PIP4P1: variants seen among roughly 807,000 people sequenced by gnomAD.
PIP4P1 encodes the protein type 1 phosphatidylinositol 4,5-bisphosphate 4-phosphatase.
PIP4P1 carries 14 observed loss-of-function variants against 32.3 expected under a neutral mutation model. The observed-to-expected ratio is 0.43, with a 90% CI of 0.29 to 0.68. The LOEUF is 0.68. Among genes scored for constraint, PIP4P1 ranks in the 30% least tolerant of loss-of-function variants. The pLI is 0.15. For missense variants in PIP4P1, 289 were observed against 364.5 expected (o/e 0.79, Z 1.69); for synonymous variants, 132 against 137.9 (o/e 0.96, Z 0.30).
chr14:20,458,618 C>A lies in PIP4P1; in HGVS notation c.775G>T (p.Gly259Cys), dbSNP rs751736547. Residue 259 changes from glycine to cysteine, a missense_variant, in exon 7 of 7, where the codon GGC becomes TGC. By Grantham distance (159) the Gly-to-Cys change is radical (BLOSUM62 -3). Transcript: ENST00000250489. The stretch of plus-strand genomic sequence containing the variant: ...ATACAGGCCCAATAAAGAGCCCGGC[C>A]CAAACACAGCACAGCCAACAGGATG... ...FVILLAVLCL[G>C]RALYWACMKV... 1 of 1,614,156 alleles carries A rather than the reference C, an allele frequency of 6.2e-7. No homozygotes were observed. The highest frequency in any genetic ancestry group is 1.3e-5 in the African/African-American group (1 of 75,018).
Position 20,458,804 on chromosome 14 carries a change from C to T in PIP4P1, c.691-102G>A, listed in dbSNP as rs545416903. On this transcript the variant is annotated intron_variant, in intron 6 of 6. Coordinates refer to ENST00000250489, the MANE Select transcript of PIP4P1 (RefSeq NM_144568.4). Reference sequence around the variant, plus strand: ...AACAGTAATAACTCACGCTTCAGTCCTTGTTCCTTATCCACATGTAGCCAC... The same window carrying T: ...AACAGTAATAACTCACGCTTCAGTCTTTGTTCCTTATCCACATGTAGCCAC... The T allele has an allele frequency of 1.2e-4, 176 of 1,445,840 alleles. 4 individuals carry two copies. The South Asian group carries it at 2.3e-3, about 19-fold the overall frequency. 89.6% of individuals were successfully genotyped at this position (1,445,840 alleles called of 1,614,324 possible). A position where few individuals can be genotyped will look rare whatever the true frequency, so the allele number is the denominator to read the frequency against.
At position 20,458,549 on chromosome 14, in the gene PIP4P1, G is replaced by C; in HGVS notation, c.*10C>G. On this transcript the variant is annotated 3_prime_UTR_variant, in exon 7 of 7. Transcript: ENST00000250489. ...GGGAGGGGCCAGGCACAGTCTGTGG[G>C]TCATCAGGCTCAGGAGAAGTTCTGG... The C allele has an allele frequency of 1.2e-6, 2 of 1,612,708 alleles. No individual in the cohort carries two copies. Among genetic ancestry groups the C allele is most frequent in the South Asian group, 1.1e-5 (1 of 90,914 alleles).
rs750270357 is a variant in PIP4P1 at position 20,458,535 on chromosome 14, G to C, written c.*24C>G. ...CACTGTCCCCACCAGGGAGGGGCCAGGCACAGTCTGTGGGTCATCAGGCTC... is the reference window on the plus strand; with the variant it reads ...CACTGTCCCCACCAGGGAGGGGCCACGCACAGTCTGTGGGTCATCAGGCTC... On this transcript the variant is annotated 3_prime_UTR_variant, in exon 7 of 7. Coordinates refer to ENST00000250489, the MANE Select transcript of PIP4P1 (RefSeq NM_144568.4). 6.2e-7 allele frequency: 1 copy of C among 1,610,962 alleles called. No individual in the cohort carries two copies. Among genetic ancestry groups the C allele is most frequent in the East Asian group, 2.2e-5 (1 of 44,882 alleles).
chr14:20,460,520 G>A, intron 2 of PIP4P1, 135 bp downstream of exon 2: 1 of 943,084 alleles, frequency 1.1e-6, no homozygotes, highest in Non-Finnish European at 1.6e-6. Flanking sequence ...AAATGGCTGT[G>A]TGAGACACCT....
intron 2 of PIP4P1, 80 bp downstream of exon 2, chr14:20,460,575 G>T (rs1464581666): frequency 1.4e-6 from 2 of 1,469,992 alleles, no homozygotes; most frequent in African/African-American, 1.4e-5. Context: ...GCTAATAGCC[G>T]GAAGGTCAGG....
intron 2 of PIP4P1, 88 bp downstream of exon 2, chr14:20,460,567 T>C: frequency 1.4e-6 from 2 of 1,417,894 alleles, no homozygotes; most frequent in East Asian, 4.6e-5. Flanking sequence ...AGCACTTGGC[T>C]AATAGCCGGA....
chr14:20,458,443 G>A lies in PIP4P1; in HGVS notation c.*116C>T. 6.8e-7 allele frequency: 1 copy of A among 1,471,818 alleles called. No individual in the cohort carries two copies. Among genetic ancestry groups the A allele is most frequent in the Non-Finnish European group, 9.3e-7 (1 of 1,074,300 alleles). 91.2% of individuals were successfully genotyped at this position (1,471,818 alleles called of 1,614,324 possible). ...CCTACCTCTCCCCAGGGAAAAGGAA[G>A]GCAGCTGCTTGGCTTCCTTCTAGAA... On this transcript the variant is annotated 3_prime_UTR_variant, in exon 7 of 7. Coordinates refer to ENST00000250489, the MANE Select transcript of PIP4P1 (RefSeq NM_144568.4).
chr14:20,460,077 C>T (rs994925553), intron 3 of PIP4P1, 115 bp downstream of exon 3: 10 of 800,944 alleles, frequency 1.2e-5, no homozygotes, highest in Middle Eastern at 3.3e-4. Flanking sequence ...TGCTTCAAAG[C>T]CTTTTCTCCT....
At chr14:20,458,777 A>G in intron 6 of PIP4P1, 75 bp from the exon 7 acceptor site, 2 of 1,534,170 alleles carry the variant, frequency 1.3e-6, no homozygotes, top group Non-Finnish European at 1.8e-6. Context: ...ATTAGTTCTA[A>G]GAACAGTAAT....
At chr14:20,459,822 C>G in intron 3 of PIP4P1, 89 bp from the exon 4 acceptor site, 1 of 949,638 alleles carries the variant, frequency 1.1e-6, no homozygotes, top group Non-Finnish European at 1.7e-6. Context: ...TTCCACATCC[C>G]CCACTCCCTG....
chr14:20,459,744 G>GA lies in PIP4P1; in HGVS notation c.441-12dup. 1 of 1,607,444 alleles carries GA rather than the reference G, an allele frequency of 6.2e-7. No individual in the cohort carries two copies. Among genetic ancestry groups the GA allele is most frequent in the South Asian group, 1.1e-5 (1 of 89,914 alleles). On this transcript the variant is annotated splice_polypyrimidine_tract_variant and intron_variant, in intron 3 of 6. Transcript: ENST00000250489. ...TTGATGATTCTTTTGCTATACAAAAGAAAAAGACTTGTATTTTCAAACTTG... is the reference window on the plus strand; with the variant it reads ...TTGATGATTCTTTTGCTATACAAAAGAAAAAAGACTTGTATTTTCAAACTTG...
At chr14:20,460,960 A>G in intron 1 of PIP4P1, 115 bp from the exon 2 acceptor site, 1 of 1,318,918 alleles carries the variant, frequency 7.6e-7, no homozygotes, top group South Asian at 1.6e-5. Context: ...AGGGCTTCTC[A>G]TAATTGGCAC....
chr14:20,460,889 C>G (rs766690243), intron 1 of PIP4P1, 44 bp from the exon 2 acceptor site: 24 of 1,500,354 alleles, frequency 1.6e-5, no homozygotes, highest in Admixed American at 2.4e-5. Context: ...CTTACACCCC[C>G]ACTGATGCTC....
chr14:20,457,740 C>T lies in PIP4P1; in HGVS notation c.*819G>A. On this transcript the variant is annotated 3_prime_UTR_variant, in exon 7 of 7. Transcript: ENST00000250489. ...TACTAATGACTTTGTTTGAATTATC[C>T]ACATGAAAATAAAGAGCCATAGTTT... 1 of 599,214 alleles carries T rather than the reference C, an allele frequency of 1.7e-6. No individual in the cohort carries two copies. The allele number at this position is 599,214 out of a possible 1,614,324, so 37.1% of individuals were successfully genotyped here.
Position 20,459,788 on chromosome 14 carries a change from T to A in PIP4P1, c.441-55A>T, listed in dbSNP as rs78310249. On this transcript the variant is annotated intron_variant, in intron 3 of 6. Coordinates refer to ENST00000250489, the MANE Select transcript of PIP4P1 (RefSeq NM_144568.4). ...AAACTTGTGTTTGAAAAATTTTTAA[T>A]CCTAAAAATCTTCACAGTCCCTGTT... The A allele has an allele frequency of 4.4e-5, 63 of 1,437,794 alleles. No individual in the cohort carries two copies. In the East Asian group the frequency reaches 1.4e-3, roughly 33 times the overall value. The allele number at this position is 1,437,794 out of a possible 1,614,324, so 89.1% of individuals were successfully genotyped here.
At chr14:20,459,348 C>T in intron 5 of PIP4P1, 40 bp downstream of exon 5, 1 of 1,614,228 alleles carries the variant, frequency 6.2e-7, no homozygotes, top group Non-Finnish European at 8.5e-7. Flanking sequence ...GTAGTTTTTA[C>T]TCCATACATC....
intron 5 of PIP4P1, 35 bp downstream of exon 5, chr14:20,459,353 T>C (rs1881607276): frequency 6.2e-7 from 1 of 1,614,196 alleles, no homozygotes. Context: ...TTTTACTCCA[T>C]ACATCAATTA....
At chr14:20,459,531 ACAGACCTTT>A in intron 4 of PIP4P1, 88 bp downstream of exon 4, 1 of 1,582,600 alleles carries the variant, frequency 6.3e-7, no homozygotes, top group Non-Finnish European at 8.7e-7. Flanking sequence ...TTCCCATAGG[ACAGACCTTT>A]CAGGGGTCAT....
In PIP4P1 at chr14:20,458,062, G is replaced by A; in HGVS notation, c.*497C>T. On this transcript the variant is annotated 3_prime_UTR_variant, in exon 7 of 7. Coordinates refer to ENST00000250489, the MANE Select transcript of PIP4P1 (RefSeq NM_144568.4). The stretch of plus-strand genomic sequence containing the variant: ...ACATCAGTTCCTGTGGTTCTGTACA[G>A]AGCAGCGGCTGACCCCACCCCCACA... 2.8e-6 allele frequency: 1 copy of A among 353,334 alleles called. No homozygotes were observed. The highest frequency in any genetic ancestry group is 3.9e-5 in the Admixed American group (1 of 25,920). 21.9% of individuals were successfully genotyped at this position (353,334 alleles called of 1,614,324 possible).
Sources: allele counts gnomAD v4.1 joint callset, GRCh38; gene constraint gnomAD v4.1.1; transcripts MANE v1.5; gene names NCBI Gene and HGNC (gene_info 2026-07-23, HGNC 2026-07-21).